The following PKHD1 variants were observed in gnomAD, a reference collection of about 807,000 sequenced individuals.
PKHD1 encodes the protein fibrocystin.
Under a neutral mutation model 412.0 loss-of-function variants are expected in PKHD1, and 291 were observed. The ratio of observed to expected loss-of-function variants is 0.71; its 90% CI spans 0.64 to 0.78. The LOEUF (loss-of-function observed/expected upper bound fraction) is 0.78. Ranked by LOEUF, PKHD1 falls within the 30% of genes least tolerant of loss-of-function variation. PKHD1 has a pLI of 0.00. For synonymous variants in PKHD1, 1,777 were observed against 1,821.5 expected (o/e 0.98, Z 0.62); for missense variants, 4,825 against 4,950.7 (o/e 0.97, Z 0.76).
Position 51,748,978 on chromosome 6 carries a change from C to T in PKHD1, c.8951-313G>A, listed in dbSNP as rs771934690. On this transcript the variant is annotated intron_variant, in intron 57 of 66. Transcript: ENST00000371117. ...AAGTTTAACGATTCTGTGTATTTGT[C>T]GGGGGCCGGGTCAAAGAACTGGGTA... Among the ~76,000 whole-genome samples the T allele has an allele frequency of 4.6e-5, 7 of 152,178 alleles. No homozygotes were observed. The South Asian group carries it at 1.0e-3, about 23-fold the overall frequency.
At chr6:51,629,685 A>AT (rs1256126277) in intron 65 of PKHD1, among the ~76,000 whole-genome samples, 1 of 152,162 alleles carries the variant, frequency 6.6e-6, no homozygotes, top group Non-Finnish European at 1.5e-5. Flanking sequence ...TTCATATGTG[A>AT]TTTTCCCAAG....
intron 33 of PKHD1, among the ~76,000 whole-genome samples, chr6:52,021,461 T>C (rs1294455036): frequency 5.3e-5 from 8 of 152,196 alleles, no homozygotes; most frequent in Admixed American, 4.6e-4. Flanking sequence ...CAGTATTAGT[T>C]AAAAATTAGA....
intron 60 of PKHD1, among the ~76,000 whole-genome samples, chr6:51,681,156 T>C (rs1035481583): frequency 1.3e-5 from 2 of 152,076 alleles, no homozygotes; most frequent in Non-Finnish European, 1.5e-5. Context: ...CTATGAGAAA[T>C]GACTTTTTCC....
intron 35 of PKHD1, among the ~76,000 whole-genome samples, chr6:51,992,199 A>G (rs62406005): frequency 0.061 from 9,253 of 152,310 alleles, 333 homozygotes; most frequent in East Asian, 0.14. Context: ...CCTGACAAGA[A>G]GCAAGCATTC....
At chr6:51,789,106 C>G (rs1582698691) in intron 53 of PKHD1, among the ~76,000 whole-genome samples, 1 of 152,094 alleles carries the variant, frequency 6.6e-6, no homozygotes, top group South Asian at 2.1e-4. Context: ...AGGAATTAAA[C>G]AAAACAAAGT....
intron 61 of PKHD1, among the ~76,000 whole-genome samples, chr6:51,653,801 T>C (rs1220129256): frequency 6.6e-6 from 1 of 152,018 alleles, no homozygotes; most frequent in Non-Finnish European, 1.5e-5. Context: ...ATAAGTAAAA[T>C]CAATTATAAG....
intron 52 of PKHD1, among the ~76,000 whole-genome samples, chr6:51,828,939 A>C (rs1453244406): frequency 6.6e-6 from 1 of 152,160 alleles, no homozygotes; most frequent in East Asian, 1.9e-4. Context: ...TTTTGGAGAT[A>C]GAAGAGGGGT....
At chr6:51,774,349 C>G (rs973691394) in intron 54 of PKHD1, among the ~76,000 whole-genome samples, 1 of 151,916 alleles carries the variant, frequency 6.6e-6, no homozygotes, top group African/African-American at 2.4e-5. Context: ...AAGAAAATTT[C>G]AAAGACACTA....
At position 52,060,122 on chromosome 6, in the gene PKHD1, T is replaced by C. The variant is rs140021352; in HGVS notation, c.1119-80A>G. ...CCAACAAATGACTGCCCTTGTACTT[T>C]GTCTTCTTTTATGGTAATAAAGAAG... On this transcript the variant is annotated intron_variant, in intron 14 of 66. Transcript: ENST00000371117. 1.5e-4 allele frequency: 120 copies of C among 784,654 alleles called. 1 individual carries two copies. The African/African-American group carries it at 1.9e-3, about 13-fold the overall frequency. 48.6% of individuals were successfully genotyped at this position (784,654 alleles called of 1,614,324 possible).
intron 52 of PKHD1, among the ~76,000 whole-genome samples, chr6:51,808,925 C>A (rs1764254708): frequency 6.6e-6 from 1 of 152,072 alleles, no homozygotes; most frequent in East Asian, 1.9e-4. Context: ...TCCCTATTGC[C>A]ACTTTGCTGG....
chr6:51,703,685 C>T (rs184676497), intron 60 of PKHD1, among the ~76,000 whole-genome samples: 4 of 152,028 alleles, frequency 2.6e-5, no homozygotes, highest in African/African-American at 7.2e-5. Context: ...CAAGTCTCCT[C>T]TCTCCCAAGG....
Position 51,748,281 on chromosome 6 carries a change from G to C in PKHD1, c.9335C>G (p.Ser3112Cys). The C allele has an allele frequency of 6.2e-7, 1 of 1,613,954 alleles. No individual in the cohort carries two copies. The highest frequency in any genetic ancestry group is 8.5e-7 in the Non-Finnish European group (1 of 1,179,950). Reference protein sequence around the residue: ...LGFHIRGHKCSSCELLWSDNV... With the variant: ...LGFHIRGHKCCSCELLWSDNV... ...GTCAGACCAAAGCAGTTCACAAGAG[G>C]AGCACTTGTGGCCTCGGATGTGAAA... The change falls in exon 58 of 67, where the codon TCC (serine) becomes TGC (cysteine). Residue 3112 changes from serine to cysteine, a missense_variant. By Grantham distance (112) the Ser-to-Cys change is moderately radical. Coordinates refer to ENST00000371117, the MANE Select transcript of PKHD1 (RefSeq NM_138694.4).
chr6:52,017,016 T>C (rs1800646090), intron 34 of PKHD1, among the ~76,000 whole-genome samples: 1 of 152,210 alleles, frequency 6.6e-6, no homozygotes, highest in Non-Finnish European at 1.5e-5. Context: ...TCTCTATGGC[T>C]TTTTTTCATA....
At chr6:51,621,140 T>C (rs970886695) in intron 66 of PKHD1, among the ~76,000 whole-genome samples, 2 of 152,200 alleles carry the variant, frequency 1.3e-5, no homozygotes, top group Non-Finnish European at 2.9e-5. Flanking sequence ...CAGTTGCTTC[T>C]ATTATTAGTC....
intron 37 of PKHD1, among the ~76,000 whole-genome samples, chr6:51,926,766 G>A (rs1263736875): frequency 1.3e-5 from 2 of 152,166 alleles, no homozygotes; most frequent in Non-Finnish European, 2.9e-5. Flanking sequence ...ATCTGCCACT[G>A]TAAATAGAAT....
chr6:51,649,038 C>T, intron 62 of PKHD1, 47 bp downstream of exon 62: 1 of 1,573,274 alleles, frequency 6.4e-7, no homozygotes, highest in Non-Finnish European at 8.7e-7. Flanking sequence ...CTGAATGCTA[C>T]ATGCTACTTA....
intron 49 of PKHD1, among the ~76,000 whole-genome samples, chr6:51,854,574 C>T (rs1219779336): frequency 1.3e-5 from 2 of 152,182 alleles, no homozygotes; most frequent in Admixed American, 6.5e-5. Flanking sequence ...CCCACTCCCC[C>T]TGGGGCTCAG....
At chr6:51,995,995 T>A in intron 35 of PKHD1, among the ~76,000 whole-genome samples, 1 of 151,734 alleles carries the variant, frequency 6.6e-6, no homozygotes. Flanking sequence ...TTCAGAAGGA[T>A]TAAAGAACGG....
chr6:51,682,963 A>G (rs140896361), intron 60 of PKHD1, among the ~76,000 whole-genome samples: 20 of 152,196 alleles, frequency 1.3e-4, no homozygotes, highest in African/African-American at 4.8e-4. Context: ...TCTGGGAGAC[A>G]TGGCAGGGGA....
Sources: allele counts gnomAD v4.1 joint callset (sites outside exome capture counted in the v4.1 genomes callset), GRCh38; gene constraint gnomAD v4.1.1; transcripts MANE v1.5; gene names NCBI Gene and HGNC (gene_info 2026-07-23, HGNC 2026-07-21).